The following EIF3H variants were observed in gnomAD, a reference collection of about 807,000 sequenced individuals.
EIF3H encodes eIF-3-gamma.
EIF3H carries 26 observed loss-of-function variants against 44.2 expected under a neutral mutation model. The observed-to-expected ratio is 0.59, with a 90% CI of 0.43 to 0.82. The LOEUF (loss-of-function observed/expected upper bound fraction) is 0.82, where lower values mean the gene tolerates loss of function less well. Ranked by LOEUF, EIF3H falls within the 40% of genes least tolerant of loss-of-function variation. EIF3H has a pLI of 0.00. For missense variants in EIF3H, 359 were observed against 432.8 expected, an observed-to-expected ratio of 0.83 and a Z score of 1.51; for synonymous variants, 166 against 151.9, an observed-to-expected ratio of 1.09 and a Z score of -0.68.
intron 1 of EIF3H, among the ~76,000 whole-genome samples, chr8:116,737,528 C>A (rs1220648800): frequency 6.6e-6 from 1 of 151,840 alleles, no homozygotes; most frequent in Non-Finnish European, 1.5e-5. Flanking sequence ...TGGTGGCTGG[C>A]ACCTGTAACC....
At chr8:116,706,669 A>G (rs1179867426) in intron 2 of EIF3H, among the ~76,000 whole-genome samples, 1 of 152,070 alleles carries the variant, frequency 6.6e-6, no homozygotes, top group Admixed American at 6.6e-5. Flanking sequence ...CGAGTAGCTG[A>G]GACTACAGGC....
At chr8:116,757,088 A>G (rs1815460982), upstream of EIF3H, among the ~76,000 whole-genome samples, 1 of 152,368 alleles carries the variant, frequency 6.6e-6, no homozygotes, top group East Asian at 1.9e-4. Flanking sequence ...CAATACCAAT[A>G]TCCTCATAGC....
At chr8:116,707,742 TATC>T (rs1232352787) in intron 2 of EIF3H, among the ~76,000 whole-genome samples, 1 of 152,192 alleles carries the variant, frequency 6.6e-6, no homozygotes, top group African/African-American at 2.4e-5. Context: ...ATTGGTTTTA[TATC>T]AACACACCTC....
intron 2 of EIF3H, among the ~76,000 whole-genome samples, chr8:116,659,788 C>T (rs954487086): frequency 1.3e-5 from 2 of 152,046 alleles, no homozygotes; most frequent in African/African-American, 4.8e-5. Flanking sequence ...TAATAAACGA[C>T]ATTTTAAAAA....
At chr8:116,682,322 C>T (rs749270961) in intron 2 of EIF3H, among the ~76,000 whole-genome samples, 4 of 152,182 alleles carry the variant, frequency 2.6e-5, no homozygotes, top group Non-Finnish European at 5.9e-5. Flanking sequence ...TCAATTGAAG[C>T]TTTAAAAAGT....
intron 2 of EIF3H, among the ~76,000 whole-genome samples, chr8:116,663,873 G>A (rs1415599499): frequency 6.8e-6 from 1 of 147,606 alleles, no homozygotes; most frequent in Non-Finnish European, 1.5e-5. Context: ...AGATGTTGCA[G>A]TGAACTGAGA....
chr8:116,679,862 G>A (rs1248653754), intron 2 of EIF3H, among the ~76,000 whole-genome samples: 11 of 6,464 alleles, frequency 1.7e-3, no homozygotes, highest in Non-Finnish European at 2.8e-3. Flanking sequence ...GGGAGGTGGG[G>A]GGGGTCAGCC....
chr8:116,675,199 G>C (rs923607354), intron 2 of EIF3H, among the ~76,000 whole-genome samples: 1 of 152,154 alleles, frequency 6.6e-6, no homozygotes, highest in East Asian at 1.9e-4. Flanking sequence ...TTGGAACTAG[G>C]AGCGAATGAC....
intron 1 of EIF3H, among the ~76,000 whole-genome samples, chr8:116,739,431 A>G (rs1815094946): frequency 6.6e-6 from 1 of 152,188 alleles, no homozygotes; most frequent in African/African-American, 2.4e-5. Context: ...CGGGCAGATC[A>G]CGAGGTCAGG....
intron 2 of EIF3H, among the ~76,000 whole-genome samples, chr8:116,720,964 G>A (rs1009063255): frequency 2.0e-5 from 3 of 152,010 alleles, no homozygotes; most frequent in East Asian, 1.9e-4. Context: ...CTAACAATGC[G>A]ATAGAAAAGA....
chr8:116,701,350 A>G (rs1378481438), intron 2 of EIF3H, among the ~76,000 whole-genome samples: 2 of 152,202 alleles, frequency 1.3e-5, no homozygotes, highest in Non-Finnish European at 2.9e-5. Flanking sequence ...ATAATAATTG[A>G]TAAGATATAG....
At chr8:116,670,007 C>T (rs566638478) in intron 2 of EIF3H, among the ~76,000 whole-genome samples, 3 of 152,196 alleles carry the variant, frequency 2.0e-5, no homozygotes, top group Admixed American at 6.5e-5. Flanking sequence ...CCATGATAAA[C>T]GACAAATCTG....
intron 2 of EIF3H, among the ~76,000 whole-genome samples, chr8:116,714,309 A>G (rs1814624201): frequency 6.6e-6 from 1 of 152,106 alleles, no homozygotes; most frequent in East Asian, 1.9e-4. Flanking sequence ...TCTCCTGTGA[A>G]GTCATCCCCG....
Position 116,645,019 on chromosome 8 carries a change from T to A in EIF3H, c.1046A>T (p.Glu349Val), listed in dbSNP as rs758734038. The change falls in exon 8 of 8, where the codon GAA (glutamate) becomes GTA (valine). Residue 349 changes from glutamate (E) to valine (V), a missense_variant. Physicochemically the swap from Glu to Val is moderately radical, Grantham distance 121 (BLOSUM62 -2). Transcript: ENST00000521861. ...GKLFMAQALQ[E>V]YNN The stretch of plus-strand genomic sequence containing the variant: ...AACTTCCTTTTCTTAGTTGTTGTAT[T>A]CTTGAAGAGCCTGGGCCATGAAGAG... 1 of 1,613,940 alleles carries A rather than the reference T, an allele frequency of 6.2e-7. No individual in the cohort carries two copies. Among genetic ancestry groups the A allele is most frequent in the South Asian group, 1.1e-5 (1 of 91,058 alleles).
At chr8:116,661,422 G>T (rs1404014243) in intron 2 of EIF3H, among the ~76,000 whole-genome samples, 2 of 152,136 alleles carry the variant, frequency 1.3e-5, no homozygotes, top group Non-Finnish European at 2.9e-5. Flanking sequence ...AGAAAGACTT[G>T]GAATCTAGAG....
chr8:116,664,157 G>C (rs1174871631), intron 2 of EIF3H, among the ~76,000 whole-genome samples: 1 of 152,176 alleles, frequency 6.6e-6, no homozygotes, highest in Non-Finnish European at 1.5e-5. Context: ...ACTGCCTGAA[G>C]TTTGGCACCA....
At chr8:116,676,399 A>G (rs1256544168) in intron 2 of EIF3H, among the ~76,000 whole-genome samples, 1 of 152,238 alleles carries the variant, frequency 6.6e-6, no homozygotes, top group East Asian at 1.9e-4. Context: ...GGAGGAAGGC[A>G]AAGGCGAAGC....
At chr8:116,754,686 TA>T (rs1815411489) in intron 1 of EIF3H, among the ~76,000 whole-genome samples, 1 of 152,208 alleles carries the variant, frequency 6.6e-6, no homozygotes, top group Non-Finnish European at 1.5e-5. Context: ...CAGAGCTGGT[TA>T]AGTGGAAGAG....
chr8:116,741,791 T>C (rs1395978968), intron 1 of EIF3H, among the ~76,000 whole-genome samples: 3 of 152,258 alleles, frequency 2.0e-5, no homozygotes, highest in Non-Finnish European at 4.4e-5. Context: ...GACTTTCATT[T>C]AATTCTGTAG....
Sources: allele counts gnomAD v4.1 joint callset (sites outside exome capture counted in the v4.1 genomes callset), GRCh38; gene constraint gnomAD v4.1.1; transcripts MANE v1.5; gene names NCBI Gene and HGNC (gene_info 2026-07-23, HGNC 2026-07-21).